SLC24A1: variants seen among roughly 807,000 people sequenced by gnomAD.
SLC24A1 encodes the protein sodium/potassium/calcium exchanger 1.
A neutral mutation model predicts 88.1 loss-of-function variants in SLC24A1; 52 were observed. The observed-to-expected ratio is 0.59, with a 90% CI of 0.47 to 0.74. The LOEUF (loss-of-function observed/expected upper bound fraction) is 0.74. Ranked by LOEUF, SLC24A1 falls within the 30% of genes least tolerant of loss-of-function variation. The pLI is 0.00. For missense variants in SLC24A1, 1,173 were observed against 1,363.3 expected (o/e 0.86, Z 2.20); for synonymous variants, 455 against 498.0 (o/e 0.91, Z 1.15).
chr15:65,638,419 C>T (rs913113872), intron 3 of SLC24A1, among the ~76,000 whole-genome samples: 2 of 152,148 alleles, frequency 1.3e-5, no homozygotes, highest in Admixed American at 6.5e-5. Context: ...ATGTTACAGT[C>T]CTCTCTGCCA....
chr15:65,648,274 A>C (rs994801079), intron 6 of SLC24A1, among the ~76,000 whole-genome samples: 19 of 152,076 alleles, frequency 1.2e-4, no homozygotes, highest in African/African-American at 4.1e-4. Context: ...CAAAAAAAAA[A>C]GCCTTCAGGT....
chr15:65,627,680 C>G lies in SLC24A1; in HGVS notation c.1890+1710C>G, dbSNP rs79455792. On this transcript the variant is annotated intron_variant, in intron 2 of 9. Transcript: ENST00000261892. The stretch of plus-strand genomic sequence containing the variant: ...GGCCATGAAGTCCTGGTATTCTCCT[C>G]TGAAGAAAATGCCTAATGCTTTGGT... Among the ~76,000 whole-genome samples, 80 of 152,328 alleles carry G rather than the reference C, an allele frequency of 5.3e-4. 1 individual carries two copies. In the East Asian group the frequency reaches 0.015, roughly 29 times the overall value.
chr15:65,641,528 AAGAG>A (rs899411409), intron 4 of SLC24A1, among the ~76,000 whole-genome samples: 2 of 152,198 alleles, frequency 1.3e-5, no homozygotes, highest in Non-Finnish European at 2.9e-5. Flanking sequence ...TTAGGAAAAA[AAGAG>A]AGAGAAAAGA....
At chr15:65,631,665 G>T (rs936074982) in intron 2 of SLC24A1, among the ~76,000 whole-genome samples, 1 of 152,156 alleles carries the variant, frequency 6.6e-6, no homozygotes, top group African/African-American at 2.4e-5. Flanking sequence ...AATAGGGAGA[G>T]GGGTACAGAA....
rs566014454 is a variant in SLC24A1, at chr15:65,624,508, A to G, written c.428A>G (p.Asp143Gly). ...GCAGGTACAGAAAGAAGGAAGGAAGACACCCCAACATCCAGTAGAACACTG... is the reference window on the plus strand; with the variant it reads ...GCAGGTACAGAAAGAAGGAAGGAAGGCACCCCAACATCCAGTAGAACACTG... The part of the protein sequence containing the change: ...TAAGTERRKE[D>G]TPTSSRTLTY... The change falls in exon 2 of 10, where the codon GAC becomes GGC. Residue 143 changes from aspartate to glycine, a missense_variant. Physicochemically the swap from Asp to Gly is moderately conservative, Grantham distance 94. Coordinates refer to ENST00000261892, the MANE Select transcript of SLC24A1 (RefSeq NM_004727.3). The G allele has an allele frequency of 3.1e-6, 5 of 1,605,328 alleles. No homozygotes were observed. In the South Asian group the frequency reaches 5.6e-5, roughly 18 times the overall value.
At chr15:65,635,446 CA>C (rs56960432) in intron 2 of SLC24A1, among the ~76,000 whole-genome samples, 177 of 58,360 alleles carry the variant, frequency 3.0e-3, no homozygotes, top group Admixed American at 8.1e-3. Flanking sequence ...ACTCCGTCTC[CA>C]AAAAAAAAAA....
Position 65,624,525 on chromosome 15 carries a change from A to G in SLC24A1, c.445A>G (p.Arg149Gly). 1 of 1,603,612 alleles carries G rather than the reference A, an allele frequency of 6.2e-7. No homozygotes were observed. Among genetic ancestry groups the G allele is most frequent in the Non-Finnish European group, 8.5e-7 (1 of 1,174,674 alleles). Residue 149 changes from arginine (R) to glycine (G), a missense_variant, in exon 2 of 10, where the codon AGA (arginine) becomes GGA (glycine). Physicochemically the swap from Arg to Gly is moderately radical, Grantham distance 125 (BLOSUM62 -2). Coordinates refer to ENST00000261892, the MANE Select transcript of SLC24A1 (RefSeq NM_004727.3). ...GAAGGAAGACACCCCAACATCCAGT[A>G]GAACACTGACTTACTACACCTCAAC... ...RRKEDTPTSSRTLTYYTSTSS... is the reference protein window; with the variant it reads ...RRKEDTPTSSGTLTYYTSTSS...
intron 4 of SLC24A1, among the ~76,000 whole-genome samples, chr15:65,640,111 GC>G (rs1429694417): frequency 2.6e-5 from 4 of 152,318 alleles, no homozygotes; most frequent in South Asian, 2.1e-4. Context: ...AAGCAGCTCA[GC>G]CCAGGCTGAC....
Position 65,655,692 on chromosome 15 carries a change from G to A in SLC24A1, c.*1613G>A, listed in dbSNP as rs1320808540. ...CTGAAGATGAAAAGATAGGACGGAT[G>A]TGATATGAAAAAAACCCAAACATTT... On this transcript the variant is annotated 3_prime_UTR_variant, in exon 10 of 10. Coordinates refer to ENST00000261892, the MANE Select transcript of SLC24A1 (RefSeq NM_004727.3). 1.0e-6 allele frequency: 1 copy of A among 985,226 alleles called. No individual in the cohort carries two copies. Among genetic ancestry groups the A allele is most frequent in the Admixed American group, 6.1e-5 (1 of 16,262 alleles). The allele number at this position is 985,226 out of a possible 1,614,324, so 61.0% of individuals were successfully genotyped here. A position where few individuals can be genotyped will look rare whatever the true frequency, so the allele number is the denominator to read the frequency against.
At position 65,624,865 on chromosome 15, in the gene SLC24A1, A is replaced by G; in HGVS notation, c.785A>G (p.His262Arg). 1 of 1,614,042 alleles carries G rather than the reference A, an allele frequency of 6.2e-7. No individual in the cohort carries two copies. The highest frequency in any genetic ancestry group is 1.1e-5 in the South Asian group (1 of 91,090). ...GATAGCACCCCAACTTTTCTGACACATGAGGTAGAAGCAAACGTCTTGACT... is the reference window on the plus strand; with the variant it reads ...GATAGCACCCCAACTTTTCTGACACGTGAGGTAGAAGCAAACGTCTTGACT... ...MFDSTPTFLT[H>R]EVEANVLTSP... The change falls in exon 2 of 10, where the codon CAT becomes CGT. Residue 262 changes from histidine to arginine, a missense_variant. His to Arg is a conservative substitution (Grantham distance 29, BLOSUM62 0). Transcript: ENST00000261892.
chr15:65,654,810 A>G lies in SLC24A1; in HGVS notation c.*731A>G. The G allele has an allele frequency of 2.9e-6, 3 of 1,045,356 alleles. No homozygotes were observed. Among genetic ancestry groups the G allele is most frequent in the Non-Finnish European group, 3.8e-6 (3 of 786,398 alleles). 64.8% of individuals were successfully genotyped at this position (1,045,356 alleles called of 1,614,324 possible). A position where few individuals can be genotyped will look rare whatever the true frequency, so the allele number is the denominator to read the frequency against. On this transcript the variant is annotated 3_prime_UTR_variant, in exon 10 of 10. Transcript: ENST00000261892. ...AACCTTCACCTCCCCGGTTCAAGCA[A>G]TTCTCCTGCCTCAGCCTGAAGTCGT...
At chr15:65,639,509 G>A in intron 3 of SLC24A1, 86 bp from the exon 4 acceptor site, 1 of 792,508 alleles carries the variant, frequency 1.3e-6, no homozygotes. Flanking sequence ...GATCTTTATG[G>A]GAAAGAGGCA....
chr15:65,616,172 A>G (rs1283937306), intron 2 of SLC24A1, among the ~76,000 whole-genome samples: 1 of 152,160 alleles, frequency 6.6e-6, no homozygotes, highest in Non-Finnish European at 1.5e-5. Context: ...TATTGTGAAT[A>G]GTGCCACAAT....
Position 65,655,137 on chromosome 15 carries a change from A to G in SLC24A1, c.*1058A>G, listed in dbSNP as rs2075637703. 1 of 994,440 alleles carries G rather than the reference A, an allele frequency of 1.0e-6. No individual in the cohort carries two copies. The highest frequency in any genetic ancestry group is 1.2e-6 in the Non-Finnish European group (1 of 835,182). 61.6% of individuals were successfully genotyped at this position (994,440 alleles called of 1,614,324 possible). ...TCACCTTGAGGGATTAGACATTCTA[A>G]TGGAATGTCCTGGCTCCACCCTCCA... On this transcript the variant is annotated 3_prime_UTR_variant, in exon 10 of 10. Coordinates refer to ENST00000261892, the MANE Select transcript of SLC24A1 (RefSeq NM_004727.3).
intron 6 of SLC24A1, among the ~76,000 whole-genome samples, chr15:65,648,035 C>T (rs572600772): frequency 2.6e-5 from 4 of 152,066 alleles, no homozygotes; most frequent in African/African-American, 4.8e-5. Flanking sequence ...CCGAGGCGGG[C>T]GGATCACGAG....
downstream of SLC24A1, chr15:65,660,335 A>G (rs765918943): frequency 4.1e-5 from 63 of 1,531,960 alleles, no homozygotes; most frequent in Non-Finnish European, 5.5e-5. Context: ...TGTGAACTCA[A>G]AAGGTGGGTT....
Position 65,655,673 on chromosome 15 carries a change from A to T in SLC24A1, c.*1594A>T, listed in dbSNP as rs2075658029. On this transcript the variant is annotated 3_prime_UTR_variant, in exon 10 of 10. Coordinates refer to ENST00000261892, the MANE Select transcript of SLC24A1 (RefSeq NM_004727.3). ...AAACATGAGGAATGATTCACTGAAGATGAAAAGATAGGACGGATGTGATAT... is the reference window on the plus strand; with the variant it reads ...AAACATGAGGAATGATTCACTGAAGTTGAAAAGATAGGACGGATGTGATAT... 1.1e-5 allele frequency: 11 copies of T among 985,454 alleles called. No individual in the cohort carries two copies. The South Asian group carries it at 4.7e-4, about 42-fold the overall frequency. 61.0% of individuals were successfully genotyped at this position (985,454 alleles called of 1,614,324 possible). A position where few individuals can be genotyped will look rare whatever the true frequency, so the allele number is the denominator to read the frequency against.
chr15:65,660,135 C>G, downstream of SLC24A1: 2 of 581,346 alleles, frequency 3.4e-6, no homozygotes, highest in South Asian at 4.4e-5. Context: ...AAGCTTGGAT[C>G]TGAATAGTAA....
In SLC24A1 at chr15:65,654,841, G is replaced by A; in HGVS notation, c.*762G>A. ...CTGCCTCAGCCTGAAGTCGTGATCT[G>A]CCCGCCTCGGCCTCCCAAAGTGCTG... On this transcript the variant is annotated 3_prime_UTR_variant, in exon 10 of 10. Transcript: ENST00000261892. The A allele has an allele frequency of 1.9e-6, 2 of 1,057,630 alleles. No individual in the cohort carries two copies. Among genetic ancestry groups the A allele is most frequent in the South Asian group, 1.6e-5 (1 of 63,500 alleles). The allele number at this position is 1,057,630 out of a possible 1,614,324, so 65.5% of individuals were successfully genotyped here. A position where few individuals can be genotyped will look rare whatever the true frequency, so the allele number is the denominator to read the frequency against.
Sources: allele counts gnomAD v4.1 joint callset (sites outside exome capture counted in the v4.1 genomes callset), GRCh38; gene constraint gnomAD v4.1.1; transcripts MANE v1.5; gene names NCBI Gene and HGNC (gene_info 2026-07-23, HGNC 2026-07-21).